Variants in LCTL observed in about 807,000 individuals in gnomAD.
LCTL encodes lactase like.
In LCTL, 76 loss-of-function variants were observed where a neutral mutation model predicts 75.8. The ratio of observed to expected loss-of-function variants is 1.00; its 90% confidence interval spans 0.83 to 1.21. The LOEUF is 1.21. Among genes scored for constraint, LCTL ranks in the 50% most tolerant of loss-of-function variants. LCTL has a pLI of 0.00. For synonymous variants in LCTL, 271 were observed against 268.8 expected, an observed-to-expected ratio of 1.01 and a Z score of -0.08; for missense variants, 670 against 712.4, an observed-to-expected ratio of 0.94 and a Z score of 0.68.
intron 1 of LCTL, 58 bp from the exon 3 acceptor site, chr15:66,564,897 G>T: frequency 1.3e-6 from 2 of 1,540,004 alleles, no homozygotes; most frequent in South Asian, 1.2e-5. Flanking sequence ...CCAGAGCCAG[G>T]ACTCTGGGCT....
chr15:66,551,763 A>G (rs376590695), exon 11 of LCTL: 23 of 1,612,624 alleles, frequency 1.4e-5, no homozygotes, highest in African/African-American at 2.7e-5. Context: ...AATTCAACAT[A>G]GTAGAATCCA....
At chr15:66,553,994 A>G (rs2140838450) in intron 8 of LCTL, among the ~76,000 whole-genome samples, 1 of 151,794 alleles carries the variant, frequency 6.6e-6, no homozygotes, top group African/African-American at 2.4e-5. Flanking sequence ...TGTCTCTACT[A>G]AAAATACAAA....
intron 9 of LCTL, 97 bp from the exon 11 acceptor site, chr15:66,552,266 C>CA (rs1029631259): frequency 1.1e-6 from 1 of 936,990 alleles, no homozygotes; most frequent in African/African-American, 1.7e-5. Flanking sequence ...TTCAAGCCTG[C>CA]CACATTCTAA....
chr15:66,560,807 G>A (rs1039061560), intron 6 of LCTL, among the ~76,000 whole-genome samples, 199 bp downstream of exon 7: 4 of 152,120 alleles, frequency 2.6e-5, no homozygotes, highest in East Asian at 3.8e-4. Flanking sequence ...CTTGGGAGTC[G>A]CTATAACAGC....
intron 6 of LCTL, among the ~76,000 whole-genome samples, chr15:66,558,687 GT>G (rs11354993): frequency 0.57 from 55,085 of 97,190 alleles, 12,552 homozygotes; most frequent in East Asian, 0.69. Context: ...GTGTGTGTGT[GT>G]TTTTTTTTTT....
Position 66,557,852 on chromosome 15 carries a change from C to T in LCTL, c.792G>A (p.Trp264Ter). The T allele has an allele frequency of 6.2e-7, 1 of 1,614,108 alleles. No homozygotes were observed. Among genetic ancestry groups the T allele is most frequent in the Non-Finnish European group, 8.5e-7 (1 of 1,180,018 alleles). The change falls in exon 8 of 13, where the codon TGG becomes TGA. Residue 264 changes from tryptophan (W) to a stop codon, truncating the protein, a stop_gained. Coordinates refer to ENST00000341509, the Ensembl canonical transcript of LCTL. LOFTEE classifies it high-confidence loss of function. ...GGTTACTAATGTCCACAGGTTCCCC[C>T]CAGTCACAGTTCAATGAAATTCCCA...
chr15:66,552,999 G>C, exon 9 of LCTL: 1 of 1,458,868 alleles, frequency 6.9e-7, no homozygotes, highest in South Asian at 1.6e-5. Context: ...CAAAGTTAAG[G>C]AGCCTCCTAA....
At chr15:66,550,097 C>T (rs750805492) in exon 12 of LCTL, 1 of 1,598,700 alleles carries the variant, frequency 6.3e-7, no homozygotes, top group South Asian at 1.1e-5. Flanking sequence ...GAGGTACCAA[C>T]TTTCCACCTA....
At position 66,552,160 on chromosome 15, in the gene LCTL, C is replaced by T. The variant is rs755614665; in HGVS notation, c.1207G>A (p.Gly403Ser). The stretch of plus-strand genomic sequence containing the variant: ...TCCATCACATATATGGGAGGATCAC[C>T]GTATTGAGTCTGAAAGTGAGTCATA... The change falls in exon 10 of 13, where the codon GGT (glycine) becomes AGT (serine). Residue 403 changes from glycine to serine, a missense_variant. Transcript: ENST00000341509. 1.5e-5 allele frequency: 24 copies of T among 1,608,886 alleles called. No homozygotes were observed. The Admixed American group carries it at 1.9e-4, about 13-fold the overall frequency.
At chr15:66,563,774 G>T in intron 3 of LCTL, 137 bp downstream of exon 4, 1 of 850,556 alleles carries the variant, frequency 1.2e-6, no homozygotes. Context: ...GTTACCTGCA[G>T]AACCTGTGAG....
chr15:66,555,189 A>G (rs1895711397), intron 8 of LCTL, among the ~76,000 whole-genome samples: 1 of 152,224 alleles, frequency 6.6e-6, no homozygotes, highest in Non-Finnish European at 1.5e-5. Flanking sequence ...TAGTGACTTA[A>G]GAAAAGCCAC....
chr15:66,558,099 G>T, intron 6 of LCTL, 63 bp from the exon 8 acceptor site: 1 of 1,429,162 alleles, frequency 7.0e-7, no homozygotes, highest in Non-Finnish European at 9.5e-7. Context: ...CTTTCAATCT[G>T]AGTGGCCTTT....
At chr15:66,565,193 A>G (rs1595713157) in intron 1 of LCTL, 55 bp downstream of exon 2, 3 of 1,193,290 alleles carry the variant, frequency 2.5e-6, no homozygotes, top group Non-Finnish European at 1.2e-6. Flanking sequence ...AAGTCAGCCA[A>G]AGTGGGCAGG....
rs377614586 is a variant in LCTL, at chr15:66,560,995, A to T, written c.705+11T>A. ...CTGAGGCTGTTCCTCCACCAGAAGG[A>T]CCCACCTCACCTTAATGATGTGGTG... On this transcript the variant is annotated intron_variant, in intron 6 of 12. Coordinates refer to ENST00000341509, the Ensembl canonical transcript of LCTL. 16 of 1,612,520 alleles carry T rather than the reference A, an allele frequency of 9.9e-6. No homozygotes were observed. Among genetic ancestry groups the T allele is most frequent in the African/African-American group, 2.7e-5 (2 of 74,888 alleles).
chr15:66,557,853 C>T lies in LCTL; in HGVS notation c.791G>A (p.Trp264Ter), dbSNP rs147368208. The T allele has an allele frequency of 1.2e-5, 20 of 1,613,972 alleles. No individual in the cohort carries two copies. The highest frequency in any genetic ancestry group is 1.7e-5 in the Non-Finnish European group (20 of 1,180,030). ...GTTACTAATGTCCACAGGTTCCCCC[C>T]AGTCACAGTTCAATGAAATTCCCAC... The change falls in exon 8 of 13, where the codon TGG (tryptophan) becomes TAG (stop). Residue 264 changes from tryptophan (W) to a stop codon, truncating the protein, a stop_gained. Coordinates refer to ENST00000341509, the Ensembl canonical transcript of LCTL. LOFTEE classifies it high-confidence loss of function.
chr15:66,552,267 C>T (rs940465897), intron 9 of LCTL, 98 bp from the exon 11 acceptor site: 22 of 932,068 alleles, frequency 2.4e-5, no homozygotes, highest in Admixed American at 2.5e-5. Flanking sequence ...TCAAGCCTGC[C>T]ACATTCTAAT....
chr15:66,563,021 A>G lies in LCTL; in HGVS notation c.480+495T>C, dbSNP rs143047076. 5.9e-3 allele frequency among the ~76,000 whole-genome samples: 892 copies of G among 152,312 alleles called. 5 individuals are homozygous for G. Among genetic ancestry groups the G allele is most frequent in the African/African-American group, 0.019 (794 of 41,564 alleles). On this transcript the variant is annotated intron_variant, in intron 4 of 12. Coordinates refer to ENST00000341509, the Ensembl canonical transcript of LCTL. The stretch of plus-strand genomic sequence containing the variant: ...AAGCAGTGTGACCTCCCTGCCATAC[A>G]TGAGTGCTTTGGTTTGAATGTTTCT...
At chr15:66,553,925 G>A (rs1435987225) in intron 8 of LCTL, among the ~76,000 whole-genome samples, 2 of 152,126 alleles carry the variant, frequency 1.3e-5, no homozygotes, top group Non-Finnish European at 2.9e-5. Flanking sequence ...GGAGGCTGAG[G>A]CAGGTGGATC....
chr15:66,559,118 G>GATTATCCCTCCTACTCAAGCC (rs1272477084), intron 6 of LCTL, among the ~76,000 whole-genome samples: 1 of 150,424 alleles, frequency 6.6e-6, no homozygotes, highest in African/African-American at 2.4e-5. Context: ...CTGCTCAAGT[G>GATTATCCCTCCTACTCAAGCC]ATCATCCCTC....
Sources: allele counts gnomAD v4.1 joint callset (sites outside exome capture counted in the v4.1 genomes callset), GRCh38; gene constraint gnomAD v4.1.1; transcripts MANE v1.5; gene names NCBI Gene and HGNC (gene_info 2026-07-23, HGNC 2026-07-21).